The following OPCML variants were observed in gnomAD, a reference collection of about 807,000 sequenced individuals.
OPCML encodes the protein opioid-binding protein/cell adhesion molecule.
A neutral mutation model predicts 37.8 loss-of-function variants in OPCML; 13 were observed. The observed-to-expected ratio is 0.34, with a 90% CI of 0.22 to 0.55. OPCML has a LOEUF of 0.55. Among genes scored for constraint, OPCML ranks in the 20% least tolerant of loss-of-function variants. The probability of loss-of-function intolerance (pLI) is 0.91; values close to 1 mark genes in which losing one functional copy is unlikely to be tolerated. For missense variants in OPCML, 341 were observed against 435.6 expected (o/e 0.78, Z 1.93); for synonymous variants, 176 against 168.8 (o/e 1.04, Z -0.33).
chr11:133,414,727 C>T lies in OPCML; in HGVS notation c.61+117537G>A, dbSNP rs1428224961. Among the ~76,000 whole-genome samples the T allele has an allele frequency of 3.3e-5, 5 of 152,250 alleles. No individual in the cohort carries two copies. In the South Asian group the frequency reaches 1.0e-3, roughly 32 times the overall value. ...GGATTCACAAATCCCCCGTTCCCAGCTCTTCCCTGCCACATCAGCACAGTG... is the reference window on the plus strand; with the variant it reads ...GGATTCACAAATCCCCCGTTCCCAGTTCTTCCCTGCCACATCAGCACAGTG... On this transcript the variant is annotated intron_variant, in intron 1 of 7. Coordinates refer to ENST00000524381, the MANE Select transcript of OPCML (RefSeq NM_001012393.5).
intron 5 of OPCML, 28 bp from the exon 6 acceptor site, chr11:132,436,807 A>G (rs1261052215): frequency 6.2e-7 from 1 of 1,608,096 alleles, no homozygotes; most frequent in Admixed American, 1.7e-5. Flanking sequence ...ACACACATGC[A>G]CAGGCATGCA....
rs948072698 is a variant in OPCML, at chr11:133,236,005, T to C, written c.62-292995A>G. On this transcript the variant is annotated intron_variant, in intron 1 of 7. Coordinates refer to ENST00000524381, the MANE Select transcript of OPCML (RefSeq NM_001012393.5). ...AACTGAGAATGGTAGTAAAACGTTATATATACTATGTTTTCTCCTATACAT... is the reference window on the plus strand; with the variant it reads ...AACTGAGAATGGTAGTAAAACGTTACATATACTATGTTTTCTCCTATACAT... Among the ~76,000 whole-genome samples the C allele has an allele frequency of 2.0e-5, 3 of 152,208 alleles. No individual in the cohort carries two copies. The East Asian group carries it at 5.8e-4, about 29-fold the overall frequency.
At chr11:132,694,555 G>A (rs1359989756) in intron 2 of OPCML, among the ~76,000 whole-genome samples, 2 of 152,124 alleles carry the variant, frequency 1.3e-5, no homozygotes, top group African/African-American at 4.8e-5. Flanking sequence ...CAGCTATTGT[G>A]CACAGTAAAG....
chr11:133,009,227 T>G, intron 1 of OPCML: 1 of 985,308 alleles, frequency 1.0e-6, no homozygotes, highest in Non-Finnish European at 1.2e-6. Context: ...CTCAGGGAAC[T>G]TCAAGTGTTG....
chr11:133,513,727 A>G (rs1052974648), intron 1 of OPCML, among the ~76,000 whole-genome samples: 1 of 152,224 alleles, frequency 6.6e-6, no homozygotes, highest in Non-Finnish European at 1.5e-5. Context: ...AAGTGAGTGC[A>G]TAACTGATAC....
chr11:132,917,661 G>A (rs1399511881), intron 2 of OPCML, among the ~76,000 whole-genome samples: 3 of 152,208 alleles, frequency 2.0e-5, no homozygotes, highest in Admixed American at 6.5e-5. Context: ...CATGGTACCT[G>A]GAACTAGATT....
At chr11:132,753,844 C>T (rs1945932590) in intron 2 of OPCML, among the ~76,000 whole-genome samples, 1 of 152,174 alleles carries the variant, frequency 6.6e-6, no homozygotes. Flanking sequence ...GGAAAATGAT[C>T]CTTTAGCTCC....
intron 2 of OPCML, among the ~76,000 whole-genome samples, chr11:132,762,082 G>T (rs1946284550): frequency 2.0e-5 from 3 of 152,176 alleles, no homozygotes; most frequent in South Asian, 2.1e-4. Context: ...CTGCAGGTCT[G>T]CTGGAGTTTG....
At chr11:133,294,095 G>A (rs1317327850) in intron 1 of OPCML, among the ~76,000 whole-genome samples, 1 of 151,986 alleles carries the variant, frequency 6.6e-6, no homozygotes, top group Non-Finnish European at 1.5e-5. Flanking sequence ...TCTGGGATGT[G>A]GTGGAAAGAA....
chr11:133,152,911 C>A (rs1036344188), intron 1 of OPCML, among the ~76,000 whole-genome samples: 3 of 149,500 alleles, frequency 2.0e-5, no homozygotes, highest in Non-Finnish European at 4.4e-5. Context: ...CTAATTTAAT[C>A]TTTTTCCCCT....
intron 1 of OPCML, among the ~76,000 whole-genome samples, chr11:133,050,994 C>G (rs1356981045): frequency 6.6e-6 from 1 of 152,022 alleles, no homozygotes; most frequent in Non-Finnish European, 1.5e-5. Flanking sequence ...ATTTTGCATA[C>G]AGCCAGAAGA....
intron 1 of OPCML, among the ~76,000 whole-genome samples, chr11:133,041,332 T>C (rs960326727): frequency 5.9e-5 from 9 of 152,222 alleles, no homozygotes; most frequent in African/African-American, 2.2e-4. Context: ...GATGGCATCA[T>C]GTTATTAATA....
rs946559977 is a variant in OPCML at position 132,727,109 on chromosome 11, G to T, written c.147-69790C>A. 2.0e-5 allele frequency among the ~76,000 whole-genome samples: 3 copies of T among 152,230 alleles called. No homozygotes were observed. The South Asian group carries it at 6.2e-4, about 32-fold the overall frequency. ...TCACTTGTGCCAGACACTGTCATGA[G>T]CACTATATATACGCATCAATCAACT... is the stretch of plus-strand genomic sequence containing the variant. On this transcript the variant is annotated intron_variant, in intron 2 of 7. Transcript: ENST00000524381.
At chr11:132,759,366 G>C (rs1946179396) in intron 2 of OPCML, among the ~76,000 whole-genome samples, 1 of 152,164 alleles carries the variant, frequency 6.6e-6, no homozygotes, top group South Asian at 2.1e-4. Context: ...AATAGTTTTA[G>C]AAGAAATTGT....
intron 1 of OPCML, among the ~76,000 whole-genome samples, chr11:133,430,046 G>A (rs1946085878): frequency 6.6e-6 from 1 of 152,184 alleles, no homozygotes; most frequent in Non-Finnish European, 1.5e-5. Context: ...GCAGGATTAT[G>A]CAGAGGAGAG....
intron 2 of OPCML, among the ~76,000 whole-genome samples, chr11:132,860,273 T>C (rs1942245935): frequency 6.6e-6 from 1 of 152,210 alleles, no homozygotes. Flanking sequence ...ACACTTCTCA[T>C]GTTCCTGAAC....
chr11:132,791,709 A>T (rs903036549), intron 2 of OPCML, among the ~76,000 whole-genome samples: 1 of 152,184 alleles, frequency 6.6e-6, no homozygotes, highest in African/African-American at 2.4e-5. Flanking sequence ...AAATAGGCAC[A>T]GCTTCCCCCC....
At chr11:132,679,386 C>T (rs1300670394) in intron 2 of OPCML, among the ~76,000 whole-genome samples, 1 of 152,144 alleles carries the variant, frequency 6.6e-6, no homozygotes, top group East Asian at 1.9e-4. Flanking sequence ...TGGGTATATC[C>T]ACATGGTGAA....
intron 1 of OPCML, among the ~76,000 whole-genome samples, chr11:133,192,737 G>A (rs1460660780): frequency 1.3e-5 from 2 of 152,128 alleles, no homozygotes; most frequent in Admixed American, 6.5e-5. Flanking sequence ...CAGGACTGTT[G>A]TGAATATCAA....
Sources: gnomAD v4.1 joint callset for allele counts (sites outside exome capture counted in the v4.1 genomes callset) on GRCh38, gnomAD v4.1.1 for gene constraint, MANE v1.5 for transcripts, NCBI Gene and HGNC (gene_info 2026-07-23, HGNC 2026-07-21) for gene names.